Variants in KIF26B observed in about 807,000 individuals in gnomAD.
KIF26B encodes the protein kinesin family member 26B.
A neutral mutation model predicts 151.2 loss-of-function variants in KIF26B; 63 were observed. The observed-to-expected ratio is 0.42, with a 90% CI of 0.34 to 0.51. The LOEUF (loss-of-function observed/expected upper bound fraction) is 0.51. KIF26B is among the 20% of genes least tolerant of loss of function. The pLI, the probability that KIF26B is intolerant of heterozygous loss-of-function variation, is 0.07. For synonymous variants in KIF26B, 1,357 were observed against 1,262.1 expected, an observed-to-expected ratio of 1.08 and a Z score of -1.59; for missense variants, 2,813 against 2,913.6, an observed-to-expected ratio of 0.97 and a Z score of 0.79.
chr1:245,198,592 G>A (rs377002095), intron 2 of KIF26B, among the ~76,000 whole-genome samples: 5 of 151,960 alleles, frequency 3.3e-5, no homozygotes, highest in East Asian at 3.9e-4. Context: ...CATGGTGGTG[G>A]GGGCCTGTAA....
chr1:245,156,194 G>C (rs773959305), intron 1 of KIF26B, 88 bp from the exon 2 acceptor site: 1 of 1,479,758 alleles, frequency 6.8e-7, no homozygotes. Flanking sequence ...GGTTCGAGCG[G>C]GTACTTGGTG....
chr1:245,230,661 T>C (rs779134692), intron 2 of KIF26B, among the ~76,000 whole-genome samples: 10 of 151,872 alleles, frequency 6.6e-5, no homozygotes, highest in Non-Finnish European at 1.2e-4. Flanking sequence ...GAGAATCGCT[T>C]GAACCCGGGA....
intron 2 of KIF26B, among the ~76,000 whole-genome samples, chr1:245,231,080 G>A (rs960615691): frequency 2.2e-4 from 34 of 151,846 alleles, no homozygotes; most frequent in African/African-American, 8.0e-4. Context: ...GAAGAGGAAC[G>A]AAACCATTCA....
chr1:245,271,086 T>G (rs980237367), intron 2 of KIF26B, among the ~76,000 whole-genome samples: 3 of 152,224 alleles, frequency 2.0e-5, no homozygotes, highest in African/African-American at 7.2e-5. Flanking sequence ...ACTTCTGATC[T>G]CTCTATTCTG....
rs547153959 is a variant in KIF26B, at chr1:245,622,639, G to T, written c.2098+10663G>T. On this transcript the variant is annotated intron_variant, in intron 9 of 14. Transcript: ENST00000407071. ...TTGGCCTCCACAACAGCTTTGGGAA[G>T]TTTCCATCTCTGCCTTTGCCATTTT... Among the ~76,000 whole-genome samples, 4 of 152,348 alleles carry T rather than the reference G, an allele frequency of 2.6e-5. No homozygotes were observed. In the East Asian group the frequency reaches 7.7e-4, roughly 29 times the overall value.
At chr1:245,535,747 A>G (rs1239118120) in intron 4 of KIF26B, among the ~76,000 whole-genome samples, 1 of 152,228 alleles carries the variant, frequency 6.6e-6, no homozygotes, top group East Asian at 1.9e-4. Flanking sequence ...TTTAACCCCT[A>G]TTCAGATACA....
At chr1:245,561,865 C>T (rs1051422958) in intron 5 of KIF26B, among the ~76,000 whole-genome samples, 3 of 152,170 alleles carry the variant, frequency 2.0e-5, no homozygotes, top group South Asian at 2.1e-4. Context: ...ATCAGTCCAC[C>T]TGATTCTCAC....
At chr1:245,449,082 G>T (rs1659317643) in intron 4 of KIF26B, among the ~76,000 whole-genome samples, 1 of 152,208 alleles carries the variant, frequency 6.6e-6, no homozygotes, top group Admixed American at 6.5e-5. Context: ...CTTCTGGCCT[G>T]CGAGTTCAGA....
At chr1:245,162,273 T>C (rs1357545613) in intron 2 of KIF26B, among the ~76,000 whole-genome samples, 1 of 152,228 alleles carries the variant, frequency 6.6e-6, no homozygotes, top group Non-Finnish European at 1.5e-5. Flanking sequence ...GCATCCTTTC[T>C]TTCCTGTTTC....
intron 2 of KIF26B, among the ~76,000 whole-genome samples, chr1:245,179,178 T>A (rs1227919898): frequency 3.3e-5 from 5 of 152,144 alleles, no homozygotes; most frequent in African/African-American, 1.2e-4. Flanking sequence ...AAAATATTTT[T>A]AAATAAAATA....
At chr1:245,191,186 G>A (rs1199027990) in intron 2 of KIF26B, among the ~76,000 whole-genome samples, 1 of 151,620 alleles carries the variant, frequency 6.6e-6, no homozygotes, top group African/African-American at 2.4e-5. Context: ...AGAATGCTGG[G>A]GAGAAGTTAC....
rs1332367687 is a variant in KIF26B, at chr1:245,170,266, C to T, written c.465+13583C>T. On this transcript the variant is annotated intron_variant, in intron 2 of 14. Coordinates refer to ENST00000407071, the MANE Select transcript of KIF26B (RefSeq NM_018012.4). The surrounding 1 kb of genome is among the most constrained non-coding windows in gnomAD (Gnocchi z 4.4). ...CAGAGTAAGAGCAGCGCCTTCACCT[C>T]GGTGGAGCTTAGTCTAGGCATTTAT... 1.3e-5 allele frequency among the ~76,000 whole-genome samples: 2 copies of T among 152,150 alleles called. No individual in the cohort carries two copies. Among genetic ancestry groups the T allele is most frequent in the Non-Finnish European group, 2.9e-5 (2 of 68,036 alleles).
intron 2 of KIF26B, among the ~76,000 whole-genome samples, chr1:245,233,744 A>G (rs1260801993): frequency 6.6e-6 from 1 of 152,190 alleles, no homozygotes; most frequent in Non-Finnish European, 1.5e-5. Context: ...TGGGAACACT[A>G]TTAGTACCTG....
chr1:245,283,634 G>C (rs10924145), intron 2 of KIF26B, among the ~76,000 whole-genome samples: 2 of 151,032 alleles, frequency 1.3e-5, no homozygotes, highest in Non-Finnish European at 2.9e-5. Context: ...GTAAAGATAA[G>C]GTTTAAAGAA....
At chr1:245,548,378 G>T (rs1266811194) in intron 5 of KIF26B, among the ~76,000 whole-genome samples, 2 of 152,134 alleles carry the variant, frequency 1.3e-5, no homozygotes, top group Non-Finnish European at 2.9e-5. Context: ...GCAAAAATGA[G>T]GCAGAAACAG....
intron 4 of KIF26B, among the ~76,000 whole-genome samples, chr1:245,518,690 G>A (rs1409923270): frequency 6.6e-6 from 1 of 152,160 alleles, no homozygotes; most frequent in Non-Finnish European, 1.5e-5. Context: ...ATACTGATAA[G>A]CCTTCTAAAA....
intron 2 of KIF26B, among the ~76,000 whole-genome samples, chr1:245,222,088 T>C (rs1669785709): frequency 6.6e-6 from 1 of 152,132 alleles, no homozygotes; most frequent in African/African-American, 2.4e-5. Context: ...AAAAGGCACG[T>C]TGTCATGGTT....
intron 5 of KIF26B, among the ~76,000 whole-genome samples, chr1:245,547,611 G>A (rs1294981833): frequency 6.8e-6 from 1 of 147,802 alleles, no homozygotes; most frequent in Non-Finnish European, 1.5e-5. Context: ...AAAAAAGTGT[G>A]AAGCCATTTT....
At chr1:245,188,408 G>A (rs563006619) in intron 2 of KIF26B, among the ~76,000 whole-genome samples, 1 of 151,880 alleles carries the variant, frequency 6.6e-6, no homozygotes, top group South Asian at 2.1e-4. Context: ...CCTCTCTCTC[G>A]AATAGCCCCT....
Sources: allele counts gnomAD v4.1 joint callset (sites outside exome capture counted in the v4.1 genomes callset), GRCh38; gene constraint gnomAD v4.1.1; non-coding constraint Gnocchi (gnomAD v3.1); transcripts MANE v1.5; gene names NCBI Gene and HGNC (gene_info 2026-07-23, HGNC 2026-07-21).